WWP1: variants seen among roughly 807,000 people sequenced by gnomAD.
The protein encoded by WWP1 is WW domain containing E3 ubiquitin protein ligase 1, also known as NEDD4-like E3 ubiquitin-protein ligase WWP1.
WWP1 carries 49 observed loss-of-function variants against 130.6 expected under a neutral mutation model. That is an observed-to-expected ratio of 0.38 (90% CI 0.30 to 0.48). WWP1 has a LOEUF of 0.48. Among genes scored for constraint, WWP1 ranks in the 20% least tolerant of loss-of-function variants. The probability of loss-of-function intolerance (pLI) is 0.99; values close to 1 mark genes in which losing one functional copy is unlikely to be tolerated. For missense variants in WWP1, 809 were observed against 1,100.6 expected (o/e 0.74, Z 3.75); for synonymous variants, 332 against 367.8 (o/e 0.90, Z 1.11).
chr8:86,362,085 CACAT>C (rs199872299), intron 1 of WWP1, among the ~76,000 whole-genome samples: 6,910 of 140,122 alleles, frequency 0.049, 334 homozygotes, highest in African/African-American at 0.11. Context: ...CATATATACA[CACAT>C]ATATATATAC....
chr8:86,465,051 G>A, intron 24 of WWP1, among the ~76,000 whole-genome samples: 1 of 152,096 alleles, frequency 6.6e-6, no homozygotes, highest in African/African-American at 2.4e-5. Context: ...GAAGTCACTG[G>A]CTAAGAGTGA....
At chr8:86,423,817 C>CT (rs1244153267) in intron 9 of WWP1, among the ~76,000 whole-genome samples, 1 of 150,276 alleles carries the variant, frequency 6.7e-6, no homozygotes, top group Non-Finnish European at 1.5e-5. Context: ...AGGCGCCCCC[C>CT]CCCCACCTCC....
At chr8:86,343,772 CT>C (rs1483616756) in intron 1 of WWP1, among the ~76,000 whole-genome samples, 1 of 151,896 alleles carries the variant, frequency 6.6e-6, no homozygotes, top group Non-Finnish European at 1.5e-5. Context: ...ATTTTGCCTT[CT>C]TTTTCTATTT....
At chr8:86,415,022 T>C (rs1304861328) in intron 9 of WWP1, among the ~76,000 whole-genome samples, 2 of 151,872 alleles carry the variant, frequency 1.3e-5, no homozygotes, top group African/African-American at 4.8e-5. Context: ...GGGCATCCAG[T>C]TGATATATGT....
intron 22 of WWP1, among the ~76,000 whole-genome samples, chr8:86,460,870 C>T (rs932726744): frequency 3.4e-4 from 40 of 117,976 alleles, no homozygotes; most frequent in Admixed American, 2.2e-3. Context: ...AGTGCAGTGG[C>T]GTGATCTTGG....
intron 1 of WWP1, among the ~76,000 whole-genome samples, chr8:86,362,004 A>T: frequency 1.4e-5 from 1 of 72,140 alleles, no homozygotes; most frequent in South Asian, 5.1e-4. Context: ...ATATATATAC[A>T]CACATATATA....
intron 2 of WWP1, among the ~76,000 whole-genome samples, chr8:86,369,484 A>G (rs1387482870): frequency 6.6e-6 from 1 of 152,096 alleles, no homozygotes; most frequent in Non-Finnish European, 1.5e-5. Flanking sequence ...ATAAAGAGAA[A>G]AATAGATTGG....
intron 2 of WWP1, 57 bp from the exon 3 acceptor site, chr8:86,373,973 C>A: frequency 7.5e-7 from 1 of 1,334,108 alleles, no homozygotes; most frequent in Non-Finnish European, 1.0e-6. Context: ...GTTTTAATAT[C>A]TTGAAAATTA....
At chr8:86,415,887 A>G (rs778501502) in intron 9 of WWP1, among the ~76,000 whole-genome samples, 9 of 152,176 alleles carry the variant, frequency 5.9e-5, no homozygotes, top group Non-Finnish European at 1.3e-4. Flanking sequence ...GTCTATTTCT[A>G]TATTCTTCGT....
chr8:86,365,438 C>G (rs1385155082), intron 1 of WWP1, among the ~76,000 whole-genome samples: 3 of 151,824 alleles, frequency 2.0e-5, no homozygotes, highest in African/African-American at 7.3e-5. Context: ...AAATAAACAC[C>G]CAAATTAAAG....
At chr8:86,441,061 T>C (rs1163445562) in intron 17 of WWP1, among the ~76,000 whole-genome samples, 2 of 152,254 alleles carry the variant, frequency 1.3e-5, no homozygotes, top group African/African-American at 4.8e-5. Flanking sequence ...TAGGAATTTT[T>C]CTTCCTTTTC....
At chr8:86,410,672 T>A (rs1360057429) in intron 8 of WWP1, among the ~76,000 whole-genome samples, 1 of 151,042 alleles carries the variant, frequency 6.6e-6, no homozygotes, top group Non-Finnish European at 1.5e-5. Flanking sequence ...TTTTTTTGGG[T>A]CTTTTGACCA....
At chr8:86,411,489 T>C in intron 8 of WWP1, 49 bp from the exon 9 acceptor site, 1 of 1,505,364 alleles carries the variant, frequency 6.6e-7, no homozygotes, top group Non-Finnish European at 9.1e-7. Flanking sequence ...AGGTAATTGA[T>C]TGCTTTATCA....
At chr8:86,413,345 T>C (rs750384599) in intron 9 of WWP1, among the ~76,000 whole-genome samples, 8 of 152,082 alleles carry the variant, frequency 5.3e-5, no homozygotes, top group African/African-American at 1.9e-4. Context: ...CAAAGACATA[T>C]AAGAAGCTGT....
chr8:86,412,699 GT>G (rs34916683), intron 9 of WWP1, among the ~76,000 whole-genome samples: 1 of 146,436 alleles, frequency 6.8e-6, no homozygotes, highest in African/African-American at 2.5e-5. Context: ...GTGTACGTTG[GT>G]TTTTTTTTTG....
In WWP1 at chr8:86,404,900, A is replaced by T. The variant is rs572536620; in HGVS notation, c.724+2697A>T. Among the ~76,000 whole-genome samples the T allele has an allele frequency of 5.3e-5, 8 of 152,310 alleles. No homozygotes were observed. The South Asian group carries it at 1.4e-3, about 28-fold the overall frequency. On this transcript the variant is annotated intron_variant, in intron 8 of 24. Coordinates refer to ENST00000517970, the MANE Select transcript of WWP1 (RefSeq NM_007013.4). Reference sequence around the variant, plus strand: ...GTGTGTGGTTTTTATAGGATCTCAAAGCTATGCTGTTCATCTTTTATACTG... The same window carrying T: ...GTGTGTGGTTTTTATAGGATCTCAATGCTATGCTGTTCATCTTTTATACTG...
rs774414394 is a variant in WWP1 at position 86,461,813 on chromosome 8, G to A, written c.2636G>A (p.Gly879Asp). 11 of 1,613,934 alleles carry A rather than the reference G, an allele frequency of 6.8e-6. No individual in the cohort carries two copies. Among genetic ancestry groups the A allele is most frequent in the Non-Finnish European group, 9.3e-6 (11 of 1,179,946 alleles). ...GPQKFCIEKV[G>D]KDTWLPRSHT... is the part of the protein sequence containing the mutation. Reference sequence around the variant, plus strand: ...CAAAAGTTTTGCATTGAAAAAGTTGGCAAAGACACTTGGTTACCAAGAAGC... The same window carrying A: ...CAAAAGTTTTGCATTGAAAAAGTTGACAAAGACACTTGGTTACCAAGAAGC... The change falls in exon 24 of 25, where the codon GGC (glycine) becomes GAC (aspartate). Residue 879 changes from glycine to aspartate, a missense_variant. By Grantham distance (94) the Gly-to-Asp change is moderately conservative. This residue lies in a region of WWP1 where 450 missense variants were observed against 674.2 expected (regional missense o/e 0.67). Transcript: ENST00000517970.
intron 14 of WWP1, among the ~76,000 whole-genome samples, chr8:86,434,867 C>A (rs1810202789): frequency 6.6e-6 from 1 of 152,168 alleles, no homozygotes; most frequent in Non-Finnish European, 1.5e-5. Flanking sequence ...GTTCTTTGTG[C>A]CTGTCAGGCC....
intron 18 of WWP1, among the ~76,000 whole-genome samples, chr8:86,446,460 C>T (rs1222924390): frequency 6.6e-6 from 1 of 152,096 alleles, no homozygotes; most frequent in Non-Finnish European, 1.5e-5. Flanking sequence ...CCCTCTCTTG[C>T]TGTGCAGAAG....
Sources: allele counts gnomAD v4.1 joint callset (sites outside exome capture counted in the v4.1 genomes callset), GRCh38; gene constraint gnomAD v4.1.1; regional missense constraint gnomAD v4.1.1; transcripts MANE v1.5; gene names NCBI Gene and HGNC (gene_info 2026-07-23, HGNC 2026-07-21).